Variants in MARCHF5 observed in about 807,000 individuals in gnomAD.
MARCHF5 encodes the protein E3 ubiquitin-protein ligase MARCHF5.
A neutral mutation model predicts 36.5 loss-of-function variants in MARCHF5; 5 were observed. The observed-to-expected ratio is 0.14, with a 90% CI of 0.07 to 0.29. The LOEUF (loss-of-function observed/expected upper bound fraction) is 0.29, where lower values mean the gene tolerates loss of function less well. MARCHF5 is among the 10% of genes least tolerant of loss of function. The pLI is 1.00. For synonymous variants in MARCHF5, 103 were observed against 109.9 expected, an observed-to-expected ratio of 0.94 and a Z score of 0.39; for missense variants, 179 against 336.3, an observed-to-expected ratio of 0.53 and a Z score of 3.66.
intron 2 of MARCHF5, among the ~76,000 whole-genome samples, chr10:92,328,592 A>T (rs1843397354): frequency 6.6e-6 from 1 of 151,232 alleles, no homozygotes; most frequent in Admixed American, 6.6e-5. Context: ...ATCACTTCAG[A>T]TATTGCTTTT....
At chr10:92,344,290 A>G (rs896430579) in intron 3 of MARCHF5, among the ~76,000 whole-genome samples, 1 of 152,216 alleles carries the variant, frequency 6.6e-6, no homozygotes, top group Non-Finnish European at 1.5e-5. Flanking sequence ...GCAGAAGACT[A>G]TATAAACAAT....
chr10:92,347,729 TG>T lies in MARCHF5; in HGVS notation c.370-1618del, dbSNP rs531756614. On this transcript the variant is annotated intron_variant, in intron 3 of 5. Transcript: ENST00000358935. ...AGATAGGAAGTTGTTAAGTTCTACC[TG>T]GAGACACAGAAGAATATCAAATTCG... Among the ~76,000 whole-genome samples, 415 of 152,294 alleles carry T rather than the reference TG, an allele frequency of 2.7e-3. 2 individuals are homozygous for T. The highest frequency in any genetic ancestry group is 9.6e-3 in the African/African-American group (399 of 41,562).
chr10:92,328,266 C>T (rs935233519), intron 2 of MARCHF5, among the ~76,000 whole-genome samples: 1 of 150,782 alleles, frequency 6.6e-6, no homozygotes, highest in African/African-American at 2.4e-5. Context: ...TGTCTCCTTA[C>T]ACTCCTCTTG....
chr10:92,303,309 A>G (rs1843037790), intron 1 of MARCHF5, among the ~76,000 whole-genome samples: 1 of 152,198 alleles, frequency 6.6e-6, no homozygotes, highest in Admixed American at 6.5e-5. Context: ...TGCTCCAACC[A>G]CATTGGTCTA....
intron 2 of MARCHF5, among the ~76,000 whole-genome samples, chr10:92,328,815 A>G (rs1425519120): frequency 1.5e-5 from 1 of 66,084 alleles, no homozygotes; most frequent in South Asian, 5.7e-4. Flanking sequence ...ATATATATAT[A>G]TATATATTTT....
intron 3 of MARCHF5, among the ~76,000 whole-genome samples, chr10:92,346,499 T>TTC (rs1335568682): frequency 9.7e-4 from 142 of 145,914 alleles, no homozygotes; most frequent in Non-Finnish European, 1.9e-3. Context: ...CTTCTTTTTT[T>TTC]TTTTTTTTTT....
chr10:92,308,793 C>T (rs1843109741), intron 1 of MARCHF5, among the ~76,000 whole-genome samples: 1 of 151,502 alleles, frequency 6.6e-6, no homozygotes, highest in African/African-American at 2.4e-5. Flanking sequence ...CAAGCTCCGC[C>T]TCCCGGGTTC....
chr10:92,328,819 A>ATTT (rs1426986471), intron 2 of MARCHF5, among the ~76,000 whole-genome samples: 1,708 of 113,664 alleles, frequency 0.015, 23 homozygotes, highest in Non-Finnish European at 0.022. Context: ...ATATATATAT[A>ATTT]TATTTTTTTT....
rs754298286 is a variant in MARCHF5, at chr10:92,315,851, T to TA, written c.238+4515dup. The stretch of plus-strand genomic sequence containing the variant: ...GCCCTTTCCTTTTCATTTTCCTTAT[T>TA]ATGATAGTGTTTTCTTAACTTACCC... On this transcript the variant is annotated intron_variant, in intron 2 of 5. Coordinates refer to ENST00000358935, the MANE Select transcript of MARCHF5 (RefSeq NM_017824.5). 1.5e-4 allele frequency among the ~76,000 whole-genome samples: 23 copies of TA among 152,334 alleles called. No individual in the cohort carries two copies. The Middle Eastern group carries it at 0.01, about 68-fold the overall frequency.
At chr10:92,308,163 G>A (rs1041490739) in intron 1 of MARCHF5, among the ~76,000 whole-genome samples, 4 of 151,986 alleles carry the variant, frequency 2.6e-5, no homozygotes, top group African/African-American at 7.2e-5. Flanking sequence ...GGATGGTCTC[G>A]ATCTCCTGAC....
At chr10:92,303,355 ACT>A (rs1843038727) in intron 1 of MARCHF5, among the ~76,000 whole-genome samples, 1 of 151,968 alleles carries the variant, frequency 6.6e-6, no homozygotes, top group East Asian at 1.9e-4. Flanking sequence ...AAGCTTGCTT[ACT>A]CTGTTTTTCT....
At chr10:92,312,836 G>T (rs1050518417) in intron 2 of MARCHF5, among the ~76,000 whole-genome samples, 1 of 152,186 alleles carries the variant, frequency 6.6e-6, no homozygotes, top group Non-Finnish European at 1.5e-5. Flanking sequence ...TTTGGAGATG[G>T]CAATGTGTAG....
At chr10:92,313,292 C>T (rs111540463) in intron 2 of MARCHF5, among the ~76,000 whole-genome samples, 4,275 of 151,558 alleles carry the variant, frequency 0.028, 71 homozygotes, top group Non-Finnish European at 0.042. Context: ...ATTATTTAGT[C>T]TGCATATTTT....
At chr10:92,331,177 G>C (rs186763016) in intron 2 of MARCHF5, among the ~76,000 whole-genome samples, 44 of 152,252 alleles carry the variant, frequency 2.9e-4, no homozygotes, top group Admixed American at 2.2e-3. Context: ...GCTGCCAGCT[G>C]TTTTTATGTG....
chr10:92,352,108 A>G lies in MARCHF5; in HGVS notation c.*901A>G, dbSNP rs1276986599. 2 of 152,592 alleles carry G rather than the reference A, an allele frequency of 1.3e-5. No homozygotes were observed. Among genetic ancestry groups the G allele is most frequent in the Non-Finnish European group, 1.5e-5 (1 of 68,044 alleles). The allele number at this position is 152,592 out of a possible 1,614,324, so 9.5% of individuals were successfully genotyped here. ...CTCTTGCATTGATTCAGTTATTGAG[A>G]TATTCGTTGATCACCTCCTATTTCC... is the stretch of plus-strand genomic sequence containing the variant. On this transcript the variant is annotated 3_prime_UTR_variant, in exon 6 of 6. Transcript: ENST00000358935.
chr10:92,317,160 A>G lies in MARCHF5; in HGVS notation c.238+5823A>G, dbSNP rs199759684. ...CGCACTGTCATCTAGGCTAGAGTGC[A>G]GTGGTGCGAAGTTGGCTCACTGCAA... is the stretch of plus-strand genomic sequence containing the variant. On this transcript the variant is annotated intron_variant, in intron 2 of 5. Transcript: ENST00000358935. 4.1e-4 allele frequency among the ~76,000 whole-genome samples: 62 copies of G among 152,324 alleles called. 2 individuals carry two copies. In the East Asian group the frequency reaches 0.012, roughly 29 times the overall value.
rs182663031 is a variant in MARCHF5, at chr10:92,307,739, G to A, written c.36-3396G>A. ...AAAATACAAAAACTAGCTGGGCATG[G>A]TGGCGGGCACCCTGTAATCCTACTA... On this transcript the variant is annotated intron_variant, in intron 1 of 5. Transcript: ENST00000358935. Among the ~76,000 whole-genome samples, 4 of 152,026 alleles carry A rather than the reference G, an allele frequency of 2.6e-5. No individual in the cohort carries two copies. The East Asian group carries it at 5.8e-4, about 22-fold the overall frequency.
At chr10:92,312,802 G>T (rs758855789) in intron 2 of MARCHF5, among the ~76,000 whole-genome samples, 1 of 152,182 alleles carries the variant, frequency 6.6e-6, no homozygotes, top group Non-Finnish European at 1.5e-5. Context: ...TATGGCACTC[G>T]AAAGCAAAGT....
intron 2 of MARCHF5, among the ~76,000 whole-genome samples, chr10:92,327,327 A>G (rs1157505939): frequency 4.0e-5 from 6 of 150,586 alleles, no homozygotes; most frequent in Admixed American, 4.0e-4. Context: ...TTTTCTATTA[A>G]AAGTAGCCTG....
Sources: allele counts gnomAD v4.1 joint callset (sites outside exome capture counted in the v4.1 genomes callset), GRCh38; gene constraint gnomAD v4.1.1; transcripts MANE v1.5; gene names NCBI Gene and HGNC (gene_info 2026-07-23, HGNC 2026-07-21).